Variants in CMSS1 observed in about 807,000 individuals in gnomAD.
CMSS1 encodes the protein protein CMSS1.
Under a neutral mutation model 43.5 loss-of-function variants are expected in CMSS1, and 33 were observed. That is an observed-to-expected ratio of 0.76 (90% CI 0.57 to 1.01). The LOEUF (loss-of-function observed/expected upper bound fraction) is 1.01, where lower values mean the gene tolerates loss of function less well. Ranked by LOEUF, CMSS1 falls within the 50% of genes least tolerant of loss-of-function variation. The pLI is 0.00. For missense variants in CMSS1, 313 were observed against 326.4 expected (o/e 0.96, Z 0.32); for synonymous variants, 115 against 117.2 (o/e 0.98, Z 0.12).
At chr3:99,966,408 T>C (rs1708652820) in intron 1 of CMSS1, among the ~76,000 whole-genome samples, 1 of 152,160 alleles carries the variant, frequency 6.6e-6, no homozygotes, top group South Asian at 2.1e-4. Context: ...ATTTTTTTTT[T>C]CGGCTATATA....
At chr3:100,073,301 G>C (rs2065792598) in intron 1 of CMSS1, among the ~76,000 whole-genome samples, 1 of 152,168 alleles carries the variant, frequency 6.6e-6, no homozygotes, top group Non-Finnish European at 1.5e-5. Flanking sequence ...GAGTTCTTGT[G>C]ATAGAGATTG....
chr3:99,861,723 A>C (rs539271516), intron 1 of CMSS1, among the ~76,000 whole-genome samples: 1 of 152,320 alleles, frequency 6.6e-6, no homozygotes, highest in South Asian at 2.1e-4. Flanking sequence ...GACTGACAGC[A>C]TGTACACTCT....
chr3:99,927,757 T>C (rs1324258104), intron 1 of CMSS1, among the ~76,000 whole-genome samples: 2 of 152,186 alleles, frequency 1.3e-5, no homozygotes, highest in African/African-American at 2.4e-5. Context: ...TATAGAACCC[T>C]AGGCTGGAAA....
chr3:100,111,874 A>G (rs1008668594), intron 1 of CMSS1, among the ~76,000 whole-genome samples: 1 of 152,204 alleles, frequency 6.6e-6, no homozygotes, highest in Admixed American at 6.5e-5. Context: ...CTGAGATGGT[A>G]TCTAAAATTG....
chr3:99,980,988 G>A (rs903863004), intron 1 of CMSS1, among the ~76,000 whole-genome samples: 2 of 152,172 alleles, frequency 1.3e-5, no homozygotes, highest in African/African-American at 4.8e-5. Context: ...TAATGAAGAT[G>A]TGAGCTTTGG....
intron 2 of CMSS1, among the ~76,000 whole-genome samples, chr3:100,155,763 G>A (rs1238825324): frequency 6.6e-6 from 1 of 152,122 alleles, no homozygotes; most frequent in Non-Finnish European, 1.5e-5. Flanking sequence ...TGATACTTTG[G>A]CTGGGTATAA....
chr3:99,852,547 G>C (rs948942565), intron 1 of CMSS1, among the ~76,000 whole-genome samples: 3 of 152,116 alleles, frequency 2.0e-5, no homozygotes, highest in Admixed American at 6.5e-5. Context: ...CCTGGTTCAA[G>C]CAATTCTCCT....
At chr3:99,980,664 A>G (rs1339895723) in intron 1 of CMSS1, among the ~76,000 whole-genome samples, 2 of 152,184 alleles carry the variant, frequency 1.3e-5, no homozygotes, top group Non-Finnish European at 2.9e-5. Context: ...TATCATTTTT[A>G]TAAGATTGTT....
intron 1 of CMSS1, among the ~76,000 whole-genome samples, chr3:99,861,019 C>A (rs1424077921): frequency 6.6e-6 from 1 of 152,178 alleles, no homozygotes; most frequent in Non-Finnish European, 1.5e-5. Context: ...TGTGAATACA[C>A]TGCTGTGCTA....
Position 99,832,865 on chromosome 3 carries a change from T to G in CMSS1, c.64+14822T>G, listed in dbSNP as rs965840496. On this transcript the variant is annotated intron_variant, in intron 1 of 9. Transcript: ENST00000421999. ...AAAAAAAAAAAAAAAAAAGTTGTTT[T>G]TTTTTTTTTTCTTGTATGACTTATC... Among the ~76,000 whole-genome samples the G allele has an allele frequency of 5.3e-5, 8 of 149,554 alleles. No homozygotes were observed. In the South Asian group the frequency reaches 8.4e-4, roughly 16 times the overall value.
At chr3:99,911,396 AG>A (rs1706782991) in intron 1 of CMSS1, among the ~76,000 whole-genome samples, 1 of 151,638 alleles carries the variant, frequency 6.6e-6, no homozygotes, top group South Asian at 2.1e-4. Context: ...ATTTGACTCT[AG>A]ACACACTTAA....
At chr3:100,011,778 T>C (rs1197303478) in intron 1 of CMSS1, 2 of 152,242 alleles carry the variant, frequency 1.3e-5, no homozygotes, top group African/African-American at 2.4e-5. Flanking sequence ...ACCTCTGCTC[T>C]GTAAAACACT....
chr3:99,937,978 A>C (rs949726632), intron 1 of CMSS1, among the ~76,000 whole-genome samples: 1 of 152,232 alleles, frequency 6.6e-6, no homozygotes, highest in African/African-American at 2.4e-5. Flanking sequence ...GGAGACTCTC[A>C]TAAGAGATAG....
Position 100,180,154 on chromosome 3 carries a change from TCCTCCTAGG to T in CMSS1, c.*1771_*1779del, listed in dbSNP as rs2067176017. On this transcript the variant is annotated 3_prime_UTR_variant, in exon 10 of 10. Coordinates refer to ENST00000421999, the MANE Select transcript of CMSS1 (RefSeq NM_032359.4). ...GGCCTAGCCCACGAAACCATTTTTTTCCTCCTAGGCCTCTGGGCCTGTTTGGTGGGGCTG... is the reference window on the plus strand; with the variant it reads ...GGCCTAGCCCACGAAACCATTTTTTTCCTCTGGGCCTGTTTGGTGGGGCTG... 6.6e-6 allele frequency: 1 copy of T among 150,662 alleles called. No individual in the cohort carries two copies. Among genetic ancestry groups the T allele is most frequent in the African/African-American group, 2.4e-5 (1 of 40,916 alleles). The allele number at this position is 150,662 out of a possible 1,614,324, so 9.3% of individuals were successfully genotyped here. A position where few individuals can be genotyped will look rare whatever the true frequency, so the allele number is the denominator to read the frequency against.
At chr3:99,822,776 G>A (rs1358704316) in intron 1 of CMSS1, among the ~76,000 whole-genome samples, 3 of 152,078 alleles carry the variant, frequency 2.0e-5, no homozygotes, top group Non-Finnish European at 4.4e-5. Flanking sequence ...ATACCAGCTT[G>A]CATTTGTTGA....
Position 99,948,042 on chromosome 3 carries a change from A to G in CMSS1, c.64+129999A>G, listed in dbSNP as rs1370833759. 2.0e-5 allele frequency among the ~76,000 whole-genome samples: 3 copies of G among 152,246 alleles called. No individual in the cohort carries two copies. The East Asian group carries it at 5.8e-4, about 29-fold the overall frequency. ...CAATGGTGGTGGTAAGATAATAAGT[A>G]TTTTTTATTCTAAAGCTATAACATT... On this transcript the variant is annotated intron_variant, in intron 1 of 9. Transcript: ENST00000421999.
chr3:100,125,113 C>T (rs1205130734), intron 1 of CMSS1, among the ~76,000 whole-genome samples: 2 of 152,150 alleles, frequency 1.3e-5, no homozygotes, highest in African/African-American at 4.8e-5. Context: ...GGTCAGTCTT[C>T]GGAAGTGAAA....
At chr3:99,952,661 C>T (rs1417609812) in intron 1 of CMSS1, among the ~76,000 whole-genome samples, 1 of 152,068 alleles carries the variant, frequency 6.6e-6, no homozygotes, top group Non-Finnish European at 1.5e-5. Context: ...GAGCACTGTT[C>T]AAGAAGCATG....
intron 1 of CMSS1, among the ~76,000 whole-genome samples, chr3:100,037,374 A>G (rs1559734927): frequency 6.6e-6 from 1 of 152,166 alleles, no homozygotes; most frequent in African/African-American, 2.4e-5. Context: ...AGGGTAAAAG[A>G]TTTTTTGTAG....
Sources: allele counts gnomAD v4.1 joint callset (sites outside exome capture counted in the v4.1 genomes callset), GRCh38; gene constraint gnomAD v4.1.1; transcripts MANE v1.5; gene names NCBI Gene and HGNC (gene_info 2026-07-23, HGNC 2026-07-21).